The following PRPF18 variants were observed in gnomAD, a reference collection of about 807,000 sequenced individuals.
The protein encoded by PRPF18 is pre-mRNA-splicing factor 18.
A neutral mutation model predicts 46.5 loss-of-function variants in PRPF18; 38 were observed. The observed-to-expected ratio is 0.82, with a 90% CI of 0.63 to 1.07. The LOEUF is 1.07. Among genes scored for constraint, PRPF18 ranks in the 50% least tolerant of loss-of-function variants. The probability of loss-of-function intolerance (pLI) is 0.00; values close to 1 mark genes in which losing one functional copy is unlikely to be tolerated. For synonymous variants in PRPF18, 152 were observed against 146.7 expected (o/e 1.04, Z -0.26); for missense variants, 263 against 410.0 (o/e 0.64, Z 3.10).
rs2079882119 is a variant in PRPF18, at chr10:13,587,022, C to T, written c.-65C>T. 5.2e-6 allele frequency: 8 copies of T among 1,541,314 alleles called. No individual in the cohort carries two copies. The highest frequency in any genetic ancestry group is 1.7e-5 in the Admixed American group (1 of 59,904). ...GTATACTCAGTGGGTTCGCGGCCGC[C>T]GGCCCAGTGAGGCTGGGTTCGAGGA... is the stretch of plus-strand genomic sequence containing the variant. On this transcript the variant is annotated 5_prime_UTR_variant, in exon 1 of 10. Transcript: ENST00000378572.
chr10:13,623,057 C>T (rs61833172), intron 9 of PRPF18, among the ~76,000 whole-genome samples: 28,501 of 151,864 alleles, frequency 0.19, 3,600 homozygotes, highest in East Asian at 0.51. Flanking sequence ...AAAAATTAGC[C>T]GGGCGTGGTG....
chr10:13,591,642 G>T (rs765906612), intron 1 of PRPF18: 1 of 619,876 alleles, frequency 1.6e-6, no homozygotes, highest in Non-Finnish European at 3.0e-6. Flanking sequence ...TCAGCTTCCT[G>T]GTGTCTGGGC....
Position 13,630,555 on chromosome 10 carries a change from A to C in PRPF18, c.*215A>C. 1 of 344,688 alleles carries C rather than the reference A, an allele frequency of 2.9e-6. No individual in the cohort carries two copies. Among genetic ancestry groups the C allele is most frequent in the Non-Finnish European group, 5.2e-6 (1 of 191,218 alleles). The allele number at this position is 344,688 out of a possible 1,614,324, so 21.4% of individuals were successfully genotyped here. A position where few individuals can be genotyped will look rare whatever the true frequency, so the allele number is the denominator to read the frequency against. On this transcript the variant is annotated 3_prime_UTR_variant, in exon 10 of 10. Coordinates refer to ENST00000378572, the MANE Select transcript of PRPF18 (RefSeq NM_003675.4). ...TTTCTTTCTTGCTTTCATTTTAATT[A>C]GTCCAAAATTAAGTTTTAAAGATTT...
chr10:13,630,107 AG>A (rs756629976), intron 9 of PRPF18, among the ~76,000 whole-genome samples, 152 bp from the exon 10 acceptor site: 2 of 152,236 alleles, frequency 1.3e-5, no homozygotes, highest in Non-Finnish European at 2.9e-5. Flanking sequence ...CAGGTGCACA[AG>A]AAAAATTTCT....
At chr10:13,606,036 G>A (rs1401713005) in intron 4 of PRPF18, among the ~76,000 whole-genome samples, 1 of 151,976 alleles carries the variant, frequency 6.6e-6, no homozygotes, top group Non-Finnish European at 1.5e-5. Flanking sequence ...AATGGATGCT[G>A]GGCTCAATAG....
At chr10:13,607,947 G>T (rs1391219062) in intron 4 of PRPF18, among the ~76,000 whole-genome samples, 5 of 152,200 alleles carry the variant, frequency 3.3e-5, no homozygotes. Flanking sequence ...AAATGTCAGT[G>T]ATGATAGTGT....
chr10:13,641,066 T>C, the PRPF18 span: 1 of 152,254 alleles, frequency 6.6e-6, no homozygotes, highest in Non-Finnish European at 1.5e-5. Context: ...AAGCTGTTCC[T>C]CTTTCTGTCA....
intron 8 of PRPF18, among the ~76,000 whole-genome samples, chr10:13,614,741 A>T (rs890370756): frequency 3.3e-5 from 5 of 152,104 alleles, no homozygotes; most frequent in Admixed American, 6.5e-5. Context: ...TTAGAAAGGG[A>T]TGAGAGGAGG....
downstream of PRPF18, among the ~76,000 whole-genome samples, chr10:13,633,213 G>A (rs1382160063): frequency 6.6e-6 from 1 of 152,220 alleles, no homozygotes; most frequent in Non-Finnish European, 1.5e-5. Flanking sequence ...GGTCCTGAGA[G>A]ACCAGAGCTA....
At chr10:13,605,867 A>C (rs572850954) in intron 4 of PRPF18, 123 bp downstream of exon 4, 1 of 1,306,738 alleles carries the variant, frequency 7.7e-7, no homozygotes, top group Admixed American at 3.1e-5. Flanking sequence ...TTGCTGCTGA[A>C]TGGAAGTTTT....
the PRPF18 span, among the ~76,000 whole-genome samples, chr10:13,638,299 C>CTTTTTT: frequency 7.2e-5 from 9 of 124,996 alleles, no homozygotes; most frequent in African/African-American, 2.1e-4. Flanking sequence ...CTTGGCTTTT[C>CTTTTTT]TTTTTTTTTT....
the PRPF18 span, chr10:13,646,019 C>T: frequency 0.019 from 2,928 of 152,496 alleles, 37 homozygotes; most frequent in Non-Finnish European, 0.03. Context: ...GGCTGAACCC[C>T]CTGCATGGAC....
the PRPF18 span, chr10:13,653,589 G>T: frequency 6.6e-6 from 1 of 152,430 alleles, no homozygotes; most frequent in South Asian, 2.1e-4. Flanking sequence ...CCAGTTGTCA[G>T]GTTTTCCCAG....
At position 13,630,299 on chromosome 10, in the gene PRPF18, C is replaced by T. The variant is rs182853418; in HGVS notation, c.988C>T (p.Pro330Ser). The change falls in exon 10 of 10, where the codon CCT becomes TCT. Residue 330 changes from proline to serine, a missense_variant. By Grantham distance (74) the Pro-to-Ser change is moderately conservative. Coordinates refer to ENST00000378572, the MANE Select transcript of PRPF18 (RefSeq NM_003675.4). ...RLMTICQKHF[P>S]TDPSKCVEYN... ...AATGACCATTTGCCAGAAACACTTT[C>T]CTACAGACCCATCCAAATGTGTGGA... The T allele has an allele frequency of 6.8e-6, 11 of 1,612,776 alleles. No homozygotes were observed. In the Admixed American group the frequency reaches 1.3e-4, roughly 20 times the overall value.
downstream of PRPF18, among the ~76,000 whole-genome samples, chr10:13,635,424 T>A (rs552700025): frequency 6.6e-6 from 1 of 152,320 alleles, no homozygotes; most frequent in African/African-American, 2.4e-5. Context: ...AATGGGATTG[T>A]TGGATTGAAT....
chr10:13,593,748 A>G (rs898726988), intron 1 of PRPF18, among the ~76,000 whole-genome samples: 11 of 152,216 alleles, frequency 7.2e-5, no homozygotes, highest in African/African-American at 2.4e-4. Context: ...TGAAAGGACC[A>G]ATGAAGATCC....
rs185107837 is a variant in PRPF18 at position 13,591,000 on chromosome 10, G to A, written c.66+3848G>A. ...TGCTATCTGATTTGAGCTTTACAACGGTTAATTAGTGCACAAGGCAATGCT... is the reference window on the plus strand; with the variant it reads ...TGCTATCTGATTTGAGCTTTACAACAGTTAATTAGTGCACAAGGCAATGCT... On this transcript the variant is annotated intron_variant, in intron 1 of 9. Coordinates refer to ENST00000378572, the MANE Select transcript of PRPF18 (RefSeq NM_003675.4). Among the ~76,000 whole-genome samples the A allele has an allele frequency of 2.5e-3, 381 of 152,288 alleles. 11 individuals are homozygous for A. Among genetic ancestry groups the A allele is most frequent in the East Asian group, 2.1e-3 (11 of 5,194 alleles).
rs373929931 is a variant in PRPF18 at position 13,613,948 on chromosome 10, G to A, written c.720+67G>A. The A allele has an allele frequency of 1.6e-5, 25 of 1,564,684 alleles. No homozygotes were observed. In the African/African-American group the frequency reaches 3.3e-4, roughly 21 times the overall value. On this transcript the variant is annotated intron_variant, in intron 7 of 9. Coordinates refer to ENST00000378572, the MANE Select transcript of PRPF18 (RefSeq NM_003675.4). ...AATACAGTATAAATTTAGAATAAAT[G>A]CAGTCTGTTTTTTCCCTATACATCT...
Position 13,587,161 on chromosome 10 carries a change from C to A in PRPF18, c.66+9C>A. ...ACAGGAACCTGCTGGTGGTGAGGAC[C>A]CTGCGGTCGTGGGGGTCGGGATGTA... On this transcript the variant is annotated intron_variant, in intron 1 of 9. Coordinates refer to ENST00000378572, the MANE Select transcript of PRPF18 (RefSeq NM_003675.4). 1.2e-6 allele frequency: 2 copies of A among 1,611,692 alleles called. No homozygotes were observed. Among genetic ancestry groups the A allele is most frequent in the Non-Finnish European group, 1.7e-6 (2 of 1,177,940 alleles).
Sources: allele counts gnomAD v4.1 joint callset (sites outside exome capture counted in the v4.1 genomes callset), GRCh38; gene constraint gnomAD v4.1.1; transcripts MANE v1.5; gene names NCBI Gene and HGNC (gene_info 2026-07-23, HGNC 2026-07-21).